CSMD1: variants seen among roughly 807,000 people sequenced by gnomAD.
CSMD1 encodes CUB and sushi domain-containing protein 1.
CSMD1 carries 213 observed loss-of-function variants against 417.5 expected under a neutral mutation model. That is an observed-to-expected ratio of 0.51 (90% confidence interval 0.46 to 0.57). CSMD1 has a LOEUF of 0.57. CSMD1 is among the 20% of genes least tolerant of loss of function. The probability of loss-of-function intolerance (pLI) is 0.00; values close to 1 mark genes in which losing one functional copy is unlikely to be tolerated. For synonymous variants in CSMD1, 2,862 were observed against 1,736.8 expected (o/e 1.65, Z -16.11); for missense variants, 6,923 against 4,529.7 (o/e 1.53, Z -15.17).
intron 3 of CSMD1, among the ~76,000 whole-genome samples, chr8:4,090,183 C>G (rs771675879): frequency 6.6e-6 from 1 of 152,174 alleles, no homozygotes; most frequent in African/African-American, 2.4e-5. Flanking sequence ...GTAACCTCCA[C>G]TTTTGACTAC....
chr8:4,801,694 C>T (rs768910510), intron 1 of CSMD1, among the ~76,000 whole-genome samples: 5 of 151,902 alleles, frequency 3.3e-5, no homozygotes, highest in African/African-American at 4.8e-5. Flanking sequence ...TGTCCTTCTA[C>T]ACAAGGCAGC....
intron 5 of CSMD1, among the ~76,000 whole-genome samples, chr8:3,962,253 G>C (rs188207813): frequency 6.6e-6 from 1 of 152,144 alleles, no homozygotes; most frequent in Non-Finnish European, 1.5e-5. Context: ...TCCAGATTTG[G>C]TCATGATGAG....
At chr8:4,720,653 C>G (rs1160011549) in intron 1 of CSMD1, among the ~76,000 whole-genome samples, 1 of 152,148 alleles carries the variant, frequency 6.6e-6, no homozygotes, top group Non-Finnish European at 1.5e-5. Flanking sequence ...AATTCCTAAA[C>G]TCGATTGATC....
rs73496546 is a variant in CSMD1 at position 4,205,541 on chromosome 8, T to G, written c.416-173442A>C. Among the ~76,000 whole-genome samples, 12 of 152,292 alleles carry G rather than the reference T, an allele frequency of 7.9e-5. No individual in the cohort carries two copies. In the East Asian group the frequency reaches 1.7e-3, roughly 22 times the overall value. On this transcript the variant is annotated intron_variant, in intron 3 of 69. Transcript: ENST00000635120. ...CATTTTATGGATGATGAAACTGACATTGAAAGTTGACGGAACTCACTGAAG... is the reference window on the plus strand; with the variant it reads ...CATTTTATGGATGATGAAACTGACAGTGAAAGTTGACGGAACTCACTGAAG...
At chr8:4,358,705 T>C (rs1227587791) in intron 3 of CSMD1, among the ~76,000 whole-genome samples, 1 of 152,212 alleles carries the variant, frequency 6.6e-6, no homozygotes, top group South Asian at 2.1e-4. Context: ...AACCAGGTAT[T>C]TGTAGCTTAA....
chr8:4,085,084 T>C (rs1440635425), intron 3 of CSMD1, among the ~76,000 whole-genome samples: 1 of 152,146 alleles, frequency 6.6e-6, no homozygotes, highest in East Asian at 1.9e-4. Context: ...AATGTGTTTA[T>C]AAATCAGGGA....
intron 6 of CSMD1, 145 bp downstream of exon 6, chr8:3,753,785 T>C (rs1003486935): frequency 2.0e-5 from 11 of 551,326 alleles, no homozygotes; most frequent in Admixed American, 5.9e-5. Flanking sequence ...CTGTCGACTA[T>C]ATGATTTCCA....
chr8:4,818,384 G>T (rs528817236), intron 1 of CSMD1, among the ~76,000 whole-genome samples: 1 of 152,258 alleles, frequency 6.6e-6, no homozygotes, highest in South Asian at 2.1e-4. Flanking sequence ...GCCATGGAAA[G>T]CTCCCCTTGA....
chr8:3,122,929 T>C (rs538278156), intron 41 of CSMD1, among the ~76,000 whole-genome samples: 37 of 152,332 alleles, frequency 2.4e-4, no homozygotes, highest in African/African-American at 7.9e-4. Flanking sequence ...AATATTGGAC[T>C]GTTGGAATCT....
At chr8:4,030,558 C>T (rs1045919354) in intron 4 of CSMD1, among the ~76,000 whole-genome samples, 1 of 152,120 alleles carries the variant, frequency 6.6e-6, no homozygotes, top group Non-Finnish European at 1.5e-5. Flanking sequence ...TGGCCCGGCC[C>T]TCAAAACTAC....
intron 3 of CSMD1, among the ~76,000 whole-genome samples, chr8:4,364,420 C>T (rs1046918674): frequency 7.9e-5 from 12 of 152,132 alleles, no homozygotes; most frequent in African/African-American, 2.9e-4. Context: ...CTAGTCCATA[C>T]AAGATTCATT....
chr8:4,157,522 G>C (rs1471392696), intron 3 of CSMD1, among the ~76,000 whole-genome samples: 1 of 151,986 alleles, frequency 6.6e-6, no homozygotes, highest in Non-Finnish European at 1.5e-5. Context: ...ACTGGTTAAA[G>C]CAGCTCTAGC....
chr8:3,027,054 C>T, intron 51 of CSMD1, among the ~76,000 whole-genome samples: 1 of 151,958 alleles, frequency 6.6e-6, no homozygotes, highest in East Asian at 1.9e-4. Context: ...AGACGGCAAA[C>T]CTATGCTCCA....
At chr8:4,336,917 T>C (rs1800207159) in intron 3 of CSMD1, among the ~76,000 whole-genome samples, 1 of 152,088 alleles carries the variant, frequency 6.6e-6, no homozygotes, top group Non-Finnish European at 1.5e-5. Flanking sequence ...TAATAAATAA[T>C]AACAATACAG....
At chr8:4,664,705 A>T (rs1283747584) in intron 1 of CSMD1, among the ~76,000 whole-genome samples, 2 of 152,216 alleles carry the variant, frequency 1.3e-5, no homozygotes, top group Non-Finnish European at 2.9e-5. Context: ...CAAAAATAAA[A>T]GCAAAATTTT....
At chr8:4,956,067 G>A (rs987442092) in intron 1 of CSMD1, among the ~76,000 whole-genome samples, 2 of 152,112 alleles carry the variant, frequency 1.3e-5, no homozygotes, top group Non-Finnish European at 2.9e-5. Context: ...CTGGGGTGAC[G>A]TAAAACCACT....
chr8:3,645,693 A>C (rs2117346249), intron 7 of CSMD1, among the ~76,000 whole-genome samples: 1 of 152,324 alleles, frequency 6.6e-6, no homozygotes, highest in African/African-American at 2.4e-5. Context: ...TGCCTTTGAA[A>C]GAACTTTACT....
chr8:4,015,961 T>G (rs1796503451), intron 4 of CSMD1, among the ~76,000 whole-genome samples: 1 of 152,026 alleles, frequency 6.6e-6, no homozygotes, highest in Non-Finnish European at 1.5e-5. Context: ...AAGGTTGCCG[T>G]TGGAGGGAAA....
intron 2 of CSMD1, among the ~76,000 whole-genome samples, chr8:4,443,833 G>C (rs886890194): frequency 2.0e-5 from 3 of 152,172 alleles, no homozygotes; most frequent in Non-Finnish European, 4.4e-5. Flanking sequence ...CACAGTGTTA[G>C]TAACGAACTT....
Sources: allele counts gnomAD v4.1 joint callset (sites outside exome capture counted in the v4.1 genomes callset), GRCh38; gene constraint gnomAD v4.1.1; transcripts MANE v1.5; gene names NCBI Gene and HGNC (gene_info 2026-07-23, HGNC 2026-07-21).